Variants in RAB18 observed in about 807,000 individuals in gnomAD.
RAB18 encodes RAB18, member RAS oncogene family, also known as ras-related protein Rab-18.
RAB18 carries 10 observed loss-of-function variants against 28.5 expected under a neutral mutation model. The ratio of observed to expected loss-of-function variants is 0.35; its 90% CI spans 0.22 to 0.60. RAB18 has a LOEUF of 0.60. Ranked by LOEUF, RAB18 falls within the 20% of genes least tolerant of loss-of-function variation. The pLI is 0.78. For missense variants in RAB18, 188 were observed against 244.2 expected (o/e 0.77, Z 1.53); for synonymous variants, 93 against 86.9 (o/e 1.07, Z -0.39).
Position 27,533,796 on chromosome 10 carries a change from A to C in RAB18, c.321A>C (p.Glu107Asp), listed in dbSNP as rs746181973. The change falls in exon 5 of 7, where the codon GAA becomes GAC. Residue 107 changes from glutamate to aspartate, a missense_variant. Glu to Asp is a conservative substitution (Grantham distance 45). Transcript: ENST00000356940. ...TGGATAATTGGTTAAATGAATTGGA[A>C]ACATACTGTACAAGAAATGACATAG... is the stretch of plus-strand genomic sequence containing the variant. ...VKLDNWLNEL[E>D]TYCTRNDIVN... The C allele has an allele frequency of 1.9e-6, 3 of 1,613,674 alleles. No homozygotes were observed. The African/African-American group carries it at 4.0e-5, about 22-fold the overall frequency.
At chr10:27,535,033 G>T (rs983086311) in intron 6 of RAB18, among the ~76,000 whole-genome samples, 2 of 152,164 alleles carry the variant, frequency 1.3e-5, no homozygotes, top group African/African-American at 4.8e-5. Flanking sequence ...ACTTAAATAA[G>T]TAAGTAGTGC....
At position 27,531,589 on chromosome 10, in the gene RAB18, A is replaced by G. The variant is rs772015496; in HGVS notation, c.187-918A>G. 1.1e-5 allele frequency: 12 copies of G among 1,131,910 alleles called. 1 individual carries two copies. Among genetic ancestry groups the G allele is most frequent in the Middle Eastern group, 1.9e-4 (1 of 5,228 alleles). 70.1% of individuals were successfully genotyped at this position (1,131,910 alleles called of 1,614,324 possible). A position where few individuals can be genotyped will look rare whatever the true frequency, so the allele number is the denominator to read the frequency against. On this transcript the variant is annotated intron_variant, in intron 3 of 6. Transcript: ENST00000356940. ...AAAGAGCCAGATAGGAAATAGTCCA[A>G]TCCTGAAGTGGGCCATGTGGCAATA... is the stretch of plus-strand genomic sequence containing the variant.
intron 1 of RAB18, chr10:27,504,655 T>A: frequency 1.4e-6 from 1 of 738,606 alleles, no homozygotes; most frequent in East Asian, 2.6e-5. Context: ...CAGGCCCAAG[T>A]TCTCTGGGTC....
At chr10:27,526,500 T>C (rs1419165271) in intron 2 of RAB18, among the ~76,000 whole-genome samples, 1 of 152,202 alleles carries the variant, frequency 6.6e-6, no homozygotes, top group Admixed American at 6.5e-5. Flanking sequence ...GATAGTCTTC[T>C]TTATGTGAGC....
In RAB18 at chr10:27,541,791, C is replaced by T. The variant is rs1446056570; in HGVS notation, c.*3740C>T. 4.4e-6 allele frequency: 2 copies of T among 453,698 alleles called. No homozygotes were observed. Among genetic ancestry groups the T allele is most frequent in the Admixed American group, 4.7e-5 (2 of 42,532 alleles). The allele number at this position is 453,698 out of a possible 1,614,324, so 28.1% of individuals were successfully genotyped here. A position where few individuals can be genotyped will look rare whatever the true frequency, so the allele number is the denominator to read the frequency against. On this transcript the variant is annotated 3_prime_UTR_variant, in exon 7 of 7. Coordinates refer to ENST00000356940, the MANE Select transcript of RAB18 (RefSeq NM_021252.5). ...TCTTGTTTGTGTGTGCTGTGGCTGC[C>T]CGATCCAGCACCTACTTCCTTCTCC...
Position 27,537,937 on chromosome 10 carries a change from C to A in RAB18, c.507C>A (p.Ile169=), listed in dbSNP as rs1834934046. 1 of 1,613,942 alleles carries A rather than the reference C, an allele frequency of 6.2e-7. No homozygotes were observed. Among genetic ancestry groups the A allele is most frequent in the Non-Finnish European group, 8.5e-7 (1 of 1,179,962 alleles). The change falls in exon 7 of 7, where the codon ATC becomes ATA. Residue 169 remains isoleucine (I), a synonymous_variant. Transcript: ENST00000356940. ...CCTTTGAAGAACTTGTTGAAAAGATCATTCAGACCCCTGGACTGTGGGAAA... is the reference window on the plus strand; with the variant it reads ...CCTTTGAAGAACTTGTTGAAAAGATAATTCAGACCCCTGGACTGTGGGAAA... The part of the protein sequence containing the change: ...QCAFEELVEK[I]IQTPGLWESE...
intron 1 of RAB18, 156 bp downstream of exon 1, chr10:27,504,593 C>T (rs1362469779): frequency 4.4e-6 from 4 of 901,994 alleles, no homozygotes; most frequent in Non-Finnish European, 7.2e-6. Context: ...CGCTCTCCCG[C>T]GACGTTTGCT....
At chr10:27,504,563 C>A in intron 1 of RAB18, 126 bp downstream of exon 1, 2 of 1,086,912 alleles carry the variant, frequency 1.8e-6, no homozygotes, top group Non-Finnish European at 1.4e-6. Context: ...CCGCTCGCGC[C>A]CTCCTCGGCC....
At position 27,538,457 on chromosome 10, in the gene RAB18, G is replaced by A. The variant is rs1422153190; in HGVS notation, c.*406G>A. 1 of 455,084 alleles carries A rather than the reference G, an allele frequency of 2.2e-6. No individual in the cohort carries two copies. The highest frequency in any genetic ancestry group is 2.0e-5 in the African/African-American group (1 of 49,994). The allele number at this position is 455,084 out of a possible 1,614,324, so 28.2% of individuals were successfully genotyped here. A position where few individuals can be genotyped will look rare whatever the true frequency, so the allele number is the denominator to read the frequency against. On this transcript the variant is annotated 3_prime_UTR_variant, in exon 7 of 7. Coordinates refer to ENST00000356940, the MANE Select transcript of RAB18 (RefSeq NM_021252.5). Reference sequence around the variant, plus strand: ...TCCTAGCACCACGGGGAAGAATAGAGGTATCATCAAACGTGGCAAATTTTC... The same window carrying A: ...TCCTAGCACCACGGGGAAGAATAGAAGTATCATCAAACGTGGCAAATTTTC...
intron 4 of RAB18, among the ~76,000 whole-genome samples, chr10:27,533,088 A>G (rs1834820731): frequency 6.6e-6 from 1 of 152,096 alleles, no homozygotes. Context: ...GAAACTGTTT[A>G]AAATGAATAT....
At chr10:27,510,221 T>A in intron 2 of RAB18, 1 of 429,602 alleles carries the variant, frequency 2.3e-6, no homozygotes, top group South Asian at 2.3e-5. Flanking sequence ...GTCTTTTATT[T>A]TGTAATATAC....
rs1835050591 is a variant in RAB18 at position 27,542,067 on chromosome 10, ACTTGCTGCAGCT to A, written c.*4018_*4029del. On this transcript the variant is annotated 3_prime_UTR_variant, in exon 7 of 7. Transcript: ENST00000356940. ...TGTGCTGGGAGGAGTCACATTCTGA[ACTTGCTGCAGCT>A]CGTTTTTCTAATATAAAGGAACCAG... is the stretch of plus-strand genomic sequence containing the variant. 1 of 453,908 alleles carries A rather than the reference ACTTGCTGCAGCT, an allele frequency of 2.2e-6. No individual in the cohort carries two copies. Among genetic ancestry groups the A allele is most frequent in the Non-Finnish European group, 4.4e-6 (1 of 226,772 alleles). The allele number at this position is 453,908 out of a possible 1,614,324, so 28.1% of individuals were successfully genotyped here. A position where few individuals can be genotyped will look rare whatever the true frequency, so the allele number is the denominator to read the frequency against.
chr10:27,531,389 A>G, intron 3 of RAB18: 3 of 1,337,592 alleles, frequency 2.2e-6, no homozygotes, highest in Non-Finnish European at 2.9e-6. Context: ...CTCCAATCTT[A>G]TAAACCTCTT....
chr10:27,508,719 C>A (rs886704220), intron 1 of RAB18, among the ~76,000 whole-genome samples: 1 of 152,018 alleles, frequency 6.6e-6, no homozygotes, highest in Non-Finnish European at 1.5e-5. Context: ...GAGAGTTAAT[C>A]GTTCAAATAT....
intron 1 of RAB18, 128 bp downstream of exon 1, chr10:27,504,565 T>A: frequency 9.2e-7 from 1 of 1,087,106 alleles, no homozygotes; most frequent in South Asian, 1.3e-5. Context: ...GCTCGCGCCC[T>A]CCTCGGCCTC....
intron 2 of RAB18, among the ~76,000 whole-genome samples, chr10:27,515,001 G>T (rs1378063513): frequency 6.6e-6 from 1 of 152,180 alleles, no homozygotes; most frequent in East Asian, 1.9e-4. Context: ...CTGGGTTCAA[G>T]CAGTCCTCCT....
chr10:27,536,785 A>G (rs1036389326), intron 6 of RAB18, among the ~76,000 whole-genome samples: 1 of 152,216 alleles, frequency 6.6e-6, no homozygotes, highest in Admixed American at 6.5e-5. Flanking sequence ...GGATTTGACA[A>G]GATAAAGGGT....
chr10:27,519,076 T>C (rs1375711573), intron 2 of RAB18, among the ~76,000 whole-genome samples: 1 of 151,930 alleles, frequency 6.6e-6, no homozygotes, highest in Non-Finnish European at 1.5e-5. Flanking sequence ...ATGAAACATA[T>C]GAAGAACAAC....
At chr10:27,507,559 T>TC (rs916157950) in intron 1 of RAB18, among the ~76,000 whole-genome samples, 4 of 151,764 alleles carry the variant, frequency 2.6e-5, no homozygotes, top group African/African-American at 9.7e-5. Flanking sequence ...TTTTTTTTTT[T>TC]TTTGGTGAAT....
Sources: allele counts gnomAD v4.1 joint callset (sites outside exome capture counted in the v4.1 genomes callset), GRCh38; gene constraint gnomAD v4.1.1; transcripts MANE v1.5; gene names NCBI Gene and HGNC (gene_info 2026-07-23, HGNC 2026-07-21).